The following TRAF3IP1 variants were observed in gnomAD, a reference collection of about 807,000 sequenced individuals.
TRAF3IP1 encodes the protein intraflagellar transport 54, also known as TRAF3-interacting protein 1.
In TRAF3IP1, 53 loss-of-function variants were observed where a neutral mutation model predicts 89.9. The ratio of observed to expected loss-of-function variants is 0.59; its 90% CI spans 0.47 to 0.74. TRAF3IP1 has a LOEUF of 0.74. Ranked by LOEUF, TRAF3IP1 falls within the 30% of genes least tolerant of loss-of-function variation. The pLI is 0.00. For missense variants in TRAF3IP1, 806 were observed against 866.1 expected, an observed-to-expected ratio of 0.93 and a Z score of 0.87; for synonymous variants, 311 against 322.1, an observed-to-expected ratio of 0.97 and a Z score of 0.37.
At chr2:238,348,664 G>C (rs1164620252) in intron 10 of TRAF3IP1, 100 bp from the exon 11 acceptor site, 3 of 1,024,640 alleles carry the variant, frequency 2.9e-6, no homozygotes, top group East Asian at 4.9e-5. Context: ...AAATGTATTT[G>C]ATTGCAAATA....
At chr2:238,334,091 T>TTTGTCTTAA in intron 7 of TRAF3IP1, 56 bp downstream of exon 7, 5 of 1,413,866 alleles carry the variant, frequency 3.5e-6, no homozygotes, top group Non-Finnish European at 3.9e-6. Flanking sequence ...TTTTTTTTTT[T>TTTGTCTTAA]TGTCTTAATC....
intron 8 of TRAF3IP1, among the ~76,000 whole-genome samples, chr2:238,342,867 A>G (rs1293832027): frequency 6.6e-6 from 1 of 152,238 alleles, no homozygotes; most frequent in Admixed American, 6.5e-5. Context: ...TTATAAATAA[A>G]ACAGTTATAT....
chr2:238,353,276 G>T, intron 14 of TRAF3IP1, 67 bp downstream of exon 14: 2 of 1,568,986 alleles, frequency 1.3e-6, no homozygotes, highest in Middle Eastern at 3.4e-4. Flanking sequence ...CTCCACGTGG[G>T]CCTGGAAGGA....
chr2:238,386,455 G>C (rs539551230), intron 15 of TRAF3IP1, among the ~76,000 whole-genome samples: 2 of 152,168 alleles, frequency 1.3e-5, no homozygotes, highest in Non-Finnish European at 2.9e-5. Context: ...TGGGACTACA[G>C]GTGTGCGCCA....
intron 7 of TRAF3IP1, among the ~76,000 whole-genome samples, chr2:238,337,452 TG>T (rs1327112046): frequency 6.6e-6 from 1 of 152,226 alleles, no homozygotes; most frequent in Non-Finnish European, 1.5e-5. Context: ...AGCAGCTGTG[TG>T]GTTTACAGTG....
intron 14 of TRAF3IP1, among the ~76,000 whole-genome samples, chr2:238,353,911 C>T (rs1699290629): frequency 1.3e-5 from 2 of 152,122 alleles, no homozygotes; most frequent in Admixed American, 6.5e-5. Context: ...GTAGCTGGGA[C>T]TACAGGCGTG....
intron 15 of TRAF3IP1, among the ~76,000 whole-genome samples, chr2:238,378,961 A>G (rs1229991024): frequency 2.0e-5 from 3 of 152,068 alleles, no homozygotes; most frequent in African/African-American, 7.3e-5. Context: ...GAAAGGCCCC[A>G]GAGGGAGGGT....
rs760057892 is a variant in TRAF3IP1 at position 238,328,680 on chromosome 2, G to A, written c.355-6G>A. The A allele has an allele frequency of 1.1e-5, 17 of 1,611,002 alleles. No homozygotes were observed. The Admixed American group carries it at 1.5e-4, about 14-fold the overall frequency. On this transcript the variant is annotated splice_region_variant and splice_polypyrimidine_tract_variant and intron_variant, in intron 3 of 16. Transcript: ENST00000373327. ...ACACCTCATTTCCTTCCATTTGGAC[G>A]ACAAGCTCTCTAGTGACGATGCGGT...
intron 12 of TRAF3IP1, among the ~76,000 whole-genome samples, chr2:238,349,761 T>G (rs1381155078): frequency 1.3e-5 from 2 of 152,058 alleles, no homozygotes; most frequent in East Asian, 3.9e-4. Context: ...AAATTAAAAA[T>G]AGAAGGTGAT....
intron 5 of TRAF3IP1, among the ~76,000 whole-genome samples, chr2:238,332,251 T>C (rs1174995916): frequency 1.3e-5 from 2 of 152,254 alleles, no homozygotes; most frequent in African/African-American, 2.4e-5. Flanking sequence ...CTACTCCTTC[T>C]ACTCTGAGAT....
chr2:238,320,546 C>T lies in TRAF3IP1; in HGVS notation c.-117C>T. ...CTGTGGGATGGAAACCGGAGCGGCG[C>T]GTCCTGGCAGGACCGGGCGGCGGCG... On this transcript the variant is annotated 5_prime_UTR_variant, in exon 1 of 17. Coordinates refer to ENST00000373327, the MANE Select transcript of TRAF3IP1 (RefSeq NM_015650.4). The T allele has an allele frequency of 2.0e-6, 2 of 1,022,570 alleles. No individual in the cohort carries two copies. Among genetic ancestry groups the T allele is most frequent in the Non-Finnish European group, 2.3e-6 (2 of 854,182 alleles). 63.3% of individuals were successfully genotyped at this position (1,022,570 alleles called of 1,614,324 possible).
rs748263738 is a variant in TRAF3IP1, at chr2:238,349,394, G to A, written c.1437G>A (p.Ala479=). ...TCAAACGGCAAGACAGCATGGAGGCGCTACAAATGGATAGGTAAGGCTGGC... is the reference window on the plus strand; with the variant it reads ...TCAAACGGCAAGACAGCATGGAGGCACTACAAATGGATAGGTAAGGCTGGC... ...PRVKRQDSME[A]LQMDRSGSGK... The change falls in exon 12 of 17, where the codon GCG becomes GCA. Residue 479 remains alanine, a synonymous_variant. Coordinates refer to ENST00000373327, the MANE Select transcript of TRAF3IP1 (RefSeq NM_015650.4). 1.1e-5 allele frequency: 18 copies of A among 1,614,056 alleles called. No homozygotes were observed. Among genetic ancestry groups the A allele is most frequent in the Admixed American group, 8.3e-5 (5 of 60,006 alleles).
intron 15 of TRAF3IP1, among the ~76,000 whole-genome samples, chr2:238,389,176 T>G (rs1215854411): frequency 6.6e-6 from 1 of 152,162 alleles, no homozygotes; most frequent in Non-Finnish European, 1.5e-5. Flanking sequence ...CCATGTGCCC[T>G]GGATCCTGCT....
At chr2:238,390,666 A>C (rs1700955650) in intron 15 of TRAF3IP1, among the ~76,000 whole-genome samples, 1 of 152,182 alleles carries the variant, frequency 6.6e-6, no homozygotes, top group Non-Finnish European at 1.5e-5. Context: ...AATGGTTAAC[A>C]TCTACTTGAG....
chr2:238,326,830 C>T (rs1697858455), intron 3 of TRAF3IP1, among the ~76,000 whole-genome samples: 2 of 152,102 alleles, frequency 1.3e-5, no homozygotes, highest in South Asian at 2.1e-4. Context: ...GGTATCAGGC[C>T]GACTCCTAGG....
At chr2:238,332,995 C>A in intron 6 of TRAF3IP1, 100 bp downstream of exon 6, 4 of 864,982 alleles carry the variant, frequency 4.6e-6, no homozygotes, top group Non-Finnish European at 5.8e-6. Context: ...ATGGAAGGAG[C>A]ACATGGTCTG....
intron 15 of TRAF3IP1, among the ~76,000 whole-genome samples, chr2:238,377,373 G>A (rs1410873492): frequency 6.7e-6 from 1 of 149,648 alleles, no homozygotes; most frequent in African/African-American, 2.5e-5. Context: ...GACTGCAGGC[G>A]AGTGCCACTC....
intron 8 of TRAF3IP1, among the ~76,000 whole-genome samples, chr2:238,339,825 A>G (rs764104221): frequency 6.6e-6 from 1 of 152,250 alleles, no homozygotes; most frequent in African/African-American, 2.4e-5. Flanking sequence ...TCATCCTGAG[A>G]TGGGCAATGG....
At chr2:238,328,544 T>A in intron 3 of TRAF3IP1, 142 bp from the exon 4 acceptor site, 1 of 1,069,226 alleles carries the variant, frequency 9.4e-7, no homozygotes, top group South Asian at 1.9e-5. Flanking sequence ...AATAACATGT[T>A]CAAAAAATAT....
Sources: gnomAD v4.1 joint callset for allele counts (sites outside exome capture counted in the v4.1 genomes callset) on GRCh38, gnomAD v4.1.1 for gene constraint, MANE v1.5 for transcripts, NCBI Gene and HGNC (gene_info 2026-07-23, HGNC 2026-07-21) for gene names.